Variants in CACNA2D1 observed in about 807,000 individuals in gnomAD.
The protein encoded by CACNA2D1 is voltage-dependent calcium channel subunit alpha-2/delta-1.
CACNA2D1 carries 53 observed loss-of-function variants against 171.5 expected under a neutral mutation model. That is an observed-to-expected ratio of 0.31 (90% CI 0.25 to 0.39). The LOEUF (loss-of-function observed/expected upper bound fraction) is 0.39, where lower values mean the gene tolerates loss of function less well. CACNA2D1 is among the 10% of genes least tolerant of loss of function. The pLI, the probability that CACNA2D1 is intolerant of heterozygous loss-of-function variation, is 1.00. For missense variants in CACNA2D1, 903 were observed against 1,299.8 expected (o/e 0.69, Z 4.69); for synonymous variants, 442 against 443.1 (o/e 1.00, Z 0.03).
At chr7:82,032,190 A>G (rs1460528480) in intron 12 of CACNA2D1, among the ~76,000 whole-genome samples, 1 of 151,928 alleles carries the variant, frequency 6.6e-6, no homozygotes, top group Non-Finnish European at 1.5e-5. Flanking sequence ...TAAAACATAC[A>G]TTCAAATATA....
At chr7:82,001,748 G>C (rs948958553) in intron 18 of CACNA2D1, 1 of 922,228 alleles carries the variant, frequency 1.1e-6, no homozygotes, top group Admixed American at 2.3e-5. Flanking sequence ...ATTCATCATA[G>C]TACATGTCAA....
At chr7:82,225,791 T>A (rs1802296650) in intron 3 of CACNA2D1, among the ~76,000 whole-genome samples, 1 of 152,182 alleles carries the variant, frequency 6.6e-6, no homozygotes, top group African/African-American at 2.4e-5. Flanking sequence ...TTGCTTCTGA[T>A]CCCTATTCTC....
At chr7:82,011,583 T>G (rs1354530877) in intron 15 of CACNA2D1, among the ~76,000 whole-genome samples, 2 of 152,196 alleles carry the variant, frequency 1.3e-5, no homozygotes, top group African/African-American at 2.4e-5. Context: ...ATCGCCTCAA[T>G]GACGTATTTC....
chr7:82,167,967 T>C (rs1171018588), intron 4 of CACNA2D1, among the ~76,000 whole-genome samples: 1 of 152,190 alleles, frequency 6.6e-6, no homozygotes, highest in Non-Finnish European at 1.5e-5. Flanking sequence ...TTTTGTATTA[T>C]TGTGGGACTG....
In CACNA2D1 at chr7:82,351,387, A is replaced by G. The variant is rs569827743; in HGVS notation, c.96-1738T>C. ...TAAGAGAGCATTTAAAAGAATGATG[A>G]GCTGATAAGAGAAAGAAAAAAATGG... On this transcript the variant is annotated intron_variant, in intron 1 of 38. Transcript: ENST00000356860. Among the ~76,000 whole-genome samples the G allele has an allele frequency of 3.9e-5, 6 of 152,050 alleles. No homozygotes were observed. In the South Asian group the frequency reaches 1.2e-3, roughly 32 times the overall value.
At chr7:81,990,730 G>A (rs562890083) in intron 21 of CACNA2D1, among the ~76,000 whole-genome samples, 5 of 152,226 alleles carry the variant, frequency 3.3e-5, no homozygotes, top group East Asian at 1.9e-4. Context: ...CCAACTTTCC[G>A]AAGCCCAGCC....
At chr7:82,304,427 T>C (rs943070206) in intron 3 of CACNA2D1, among the ~76,000 whole-genome samples, 2 of 150,116 alleles carry the variant, frequency 1.3e-5, no homozygotes, top group Non-Finnish European at 3.0e-5. Context: ...TATAACACAA[T>C]AGCAAAGATA....
At chr7:82,092,540 C>CTTTGTTT (rs1811304118) in intron 6 of CACNA2D1, among the ~76,000 whole-genome samples, 2 of 102,698 alleles carry the variant, frequency 1.9e-5, no homozygotes, top group Admixed American at 1.1e-4. Context: ...GCCCAGCTAA[C>CTTTGTTT]TTTTTTTTTT....
In CACNA2D1 at chr7:82,286,844, AT is replaced by A. The variant is rs576485116; in HGVS notation, c.294+48290del. Among the ~76,000 whole-genome samples the A allele has an allele frequency of 3.9e-3, 588 of 152,004 alleles. 5 individuals are homozygous for A. The highest frequency in any genetic ancestry group is 6.9e-3 in the Non-Finnish European group (469 of 67,984). ...CCCATGCCTATTTAAGTGTGTGGAG[AT>A]TTTTCCCCCCATTTACAAAGATGAA... On this transcript the variant is annotated intron_variant, in intron 3 of 38. Transcript: ENST00000356860.
chr7:82,343,073 A>C (rs1818863093), intron 2 of CACNA2D1: 1 of 152,228 alleles, frequency 6.6e-6, no homozygotes, highest in African/African-American at 2.4e-5. Context: ...ACACATATAT[A>C]AATGCATAAT....
rs1019905529 is a variant in CACNA2D1, at chr7:82,175,882, A to G, written c.295-5273T>C. On this transcript the variant is annotated intron_variant, in intron 3 of 38. Coordinates refer to ENST00000356860, the MANE Select transcript of CACNA2D1 (RefSeq NM_000722.4). ...ATGAACCCGTAGAATAGGCTATGTCAGAACTATAATCACCAATGACCTCTT... is the reference window on the plus strand; with the variant it reads ...ATGAACCCGTAGAATAGGCTATGTCGGAACTATAATCACCAATGACCTCTT... 4.6e-5 allele frequency among the ~76,000 whole-genome samples: 7 copies of G among 152,126 alleles called. No individual in the cohort carries two copies. The South Asian group carries it at 1.4e-3, about 32-fold the overall frequency.
chr7:82,222,983 G>A (rs1801956910), intron 3 of CACNA2D1, among the ~76,000 whole-genome samples: 1 of 147,298 alleles, frequency 6.8e-6, no homozygotes, highest in South Asian at 2.1e-4. Context: ...GCATGATCTT[G>A]GCTCACCGCA....
At chr7:82,364,586 A>C (rs1000757177) in intron 1 of CACNA2D1, among the ~76,000 whole-genome samples, 1 of 152,222 alleles carries the variant, frequency 6.6e-6, no homozygotes, top group South Asian at 2.1e-4. Context: ...TAAGAAGTGC[A>C]TAATATGCTT....
chr7:82,290,084 T>G (rs1482181765), intron 3 of CACNA2D1, among the ~76,000 whole-genome samples: 2 of 152,096 alleles, frequency 1.3e-5, no homozygotes, highest in Admixed American at 1.3e-4. Flanking sequence ...TCCTATTAGG[T>G]TGGTGCAAAA....
intron 4 of CACNA2D1, 129 bp downstream of exon 4, chr7:82,170,421 C>A: frequency 1.2e-6 from 1 of 845,426 alleles, no homozygotes; most frequent in East Asian, 2.5e-5. Context: ...TAAAAAGCAA[C>A]AAGTATGATT....
chr7:82,182,141 C>A (rs963111490), intron 3 of CACNA2D1, among the ~76,000 whole-genome samples: 3 of 151,806 alleles, frequency 2.0e-5, no homozygotes, highest in Non-Finnish European at 2.9e-5. Flanking sequence ...CCTTGTGAGC[C>A]CATTACTCAC....
intron 5 of CACNA2D1, among the ~76,000 whole-genome samples, chr7:82,135,758 A>G (rs1373779608): frequency 6.6e-6 from 1 of 152,118 alleles, no homozygotes; most frequent in African/African-American, 2.4e-5. Context: ...ATATAATAGT[A>G]TATAAATACA....
chr7:82,364,040 C>T (rs561216753), intron 1 of CACNA2D1, among the ~76,000 whole-genome samples: 128 of 152,212 alleles, frequency 8.4e-4, no homozygotes, highest in African/African-American at 2.9e-3. Flanking sequence ...TCAAGACCAG[C>T]CTGGCCAACA....
chr7:82,195,670 A>G (rs1448551580), intron 3 of CACNA2D1, among the ~76,000 whole-genome samples: 1 of 149,380 alleles, frequency 6.7e-6, no homozygotes. Context: ...TAAAAAAAAA[A>G]AAACCCTCTG....
Sources: allele counts gnomAD v4.1 joint callset (sites outside exome capture counted in the v4.1 genomes callset), GRCh38; gene constraint gnomAD v4.1.1; transcripts MANE v1.5; gene names NCBI Gene and HGNC (gene_info 2026-07-23, HGNC 2026-07-21).